HS3ST4: variants seen among roughly 807,000 people sequenced by gnomAD.
HS3ST4 encodes heparan sulfate glucosamine 3-O-sulfotransferase 4.
A neutral mutation model predicts 29.2 loss-of-function variants in HS3ST4; 17 were observed. That is an observed-to-expected ratio of 0.58 (90% confidence interval 0.40 to 0.87). The LOEUF (loss-of-function observed/expected upper bound fraction) is 0.87, where lower values mean the gene tolerates loss of function less well. Among genes scored for constraint, HS3ST4 ranks in the 40% least tolerant of loss-of-function variants. The probability of loss-of-function intolerance (pLI) is 0.00; values close to 1 mark genes in which losing one functional copy is unlikely to be tolerated. For missense variants in HS3ST4, 627 were observed against 634.5 expected, an observed-to-expected ratio of 0.99 and a Z score of 0.13; for synonymous variants, 314 against 285.7, an observed-to-expected ratio of 1.10 and a Z score of -1.00.
At chr16:25,911,397 G>A (rs1428003883) in intron 1 of HS3ST4, among the ~76,000 whole-genome samples, 1 of 151,692 alleles carries the variant, frequency 6.6e-6, no homozygotes, top group African/African-American at 2.4e-5. Flanking sequence ...GGCCAAGCCA[G>A]CCTGTCAGGT....
intron 1 of HS3ST4, among the ~76,000 whole-genome samples, chr16:25,829,591 G>A (rs928413003): frequency 6.6e-6 from 1 of 151,788 alleles, no homozygotes; most frequent in African/African-American, 2.4e-5. Context: ...CCTGCAACAG[G>A]CCCCGGTGTG....
intron 1 of HS3ST4, among the ~76,000 whole-genome samples, chr16:25,770,311 G>A (rs998623428): frequency 6.6e-6 from 1 of 152,132 alleles, no homozygotes; most frequent in African/African-American, 2.4e-5. Flanking sequence ...GAGATGATAA[G>A]TAAAATAGCT....
At chr16:26,055,491 G>A (rs1176824425) in intron 1 of HS3ST4, among the ~76,000 whole-genome samples, 2 of 152,136 alleles carry the variant, frequency 1.3e-5, no homozygotes, top group East Asian at 3.9e-4. Flanking sequence ...TGGGCACAGA[G>A]GCTATCAGGG....
At chr16:26,044,116 T>C (rs1246821439) in intron 1 of HS3ST4, among the ~76,000 whole-genome samples, 1 of 152,260 alleles carries the variant, frequency 6.6e-6, no homozygotes, top group Non-Finnish European at 1.5e-5. Flanking sequence ...CAGAATTTTC[T>C]GCTTTGTTTT....
intron 1 of HS3ST4, among the ~76,000 whole-genome samples, chr16:26,058,755 G>C (rs890697505): frequency 4.6e-5 from 7 of 152,184 alleles, no homozygotes; most frequent in Non-Finnish European, 1.0e-4. Flanking sequence ...GGCTTTGGAA[G>C]CGTCGTCAGA....
intron 1 of HS3ST4, among the ~76,000 whole-genome samples, chr16:26,067,948 TCCC>T (rs1383534565): frequency 6.6e-6 from 1 of 152,240 alleles, no homozygotes; most frequent in Non-Finnish European, 1.5e-5. Context: ...TGTGAGGCCG[TCCC>T]AGCCGTGTGG....
At chr16:25,782,674 A>G (rs1284651146) in intron 1 of HS3ST4, among the ~76,000 whole-genome samples, 2 of 152,236 alleles carry the variant, frequency 1.3e-5, no homozygotes, top group Non-Finnish European at 2.9e-5. Context: ...AGCTGCTTGG[A>G]TAGCCCATTT....
At chr16:26,130,716 T>C (rs1456238800) in intron 1 of HS3ST4, among the ~76,000 whole-genome samples, 1 of 152,162 alleles carries the variant, frequency 6.6e-6, no homozygotes, top group Non-Finnish European at 1.5e-5. Context: ...CACCTTTCAG[T>C]TTTGAGAGAA....
chr16:25,948,708 G>GT (rs1293983203), intron 1 of HS3ST4, among the ~76,000 whole-genome samples: 2 of 152,082 alleles, frequency 1.3e-5, no homozygotes, highest in Non-Finnish European at 2.9e-5. Context: ...CTATCACCTA[G>GT]TTTCTTTTCT....
chr16:25,855,962 T>C (rs1567256443), intron 1 of HS3ST4, among the ~76,000 whole-genome samples: 1 of 151,928 alleles, frequency 6.6e-6, no homozygotes, highest in Non-Finnish European at 1.5e-5. Flanking sequence ...TGGATAAGGC[T>C]CTGGTAAAGT....
intron 1 of HS3ST4, among the ~76,000 whole-genome samples, chr16:25,696,405 C>G (rs1194168356): frequency 1.3e-5 from 2 of 152,142 alleles, no homozygotes; most frequent in Non-Finnish European, 2.9e-5. Flanking sequence ...TGTTTGCTCT[C>G]TCATGGTTTG....
intron 1 of HS3ST4, among the ~76,000 whole-genome samples, chr16:25,740,453 C>A (rs1226599910): frequency 6.6e-6 from 1 of 152,008 alleles, no homozygotes; most frequent in African/African-American, 2.4e-5. Flanking sequence ...TGCACTGAGC[C>A]CCAAAGATCC....
At chr16:25,919,656 T>C (rs1968327769) in intron 1 of HS3ST4, among the ~76,000 whole-genome samples, 1 of 152,116 alleles carries the variant, frequency 6.6e-6, no homozygotes, top group South Asian at 2.1e-4. Context: ...AAGACCCAGA[T>C]TGGAGACTGA....
chr16:25,975,146 T>C (rs1294347781), intron 1 of HS3ST4, among the ~76,000 whole-genome samples: 5 of 152,138 alleles, frequency 3.3e-5, no homozygotes, highest in Non-Finnish European at 7.3e-5. Flanking sequence ...TGCAGTGATA[T>C]GGATGCAGCT....
intron 1 of HS3ST4, among the ~76,000 whole-genome samples, chr16:25,755,350 T>G (rs150631064): frequency 2.0e-3 from 306 of 152,292 alleles, no homozygotes; most frequent in African/African-American, 7.1e-3. Flanking sequence ...AACAATAAAC[T>G]GTGGAGGTGA....
chr16:26,080,896 T>C (rs1898715847), intron 1 of HS3ST4, among the ~76,000 whole-genome samples: 1 of 152,190 alleles, frequency 6.6e-6, no homozygotes, highest in Non-Finnish European at 1.5e-5. Flanking sequence ...CAACAGCATC[T>C]GCAACATCTT....
chr16:25,693,194 A>G, intron 1 of HS3ST4, 43 bp downstream of exon 1: 1 of 1,501,702 alleles, frequency 6.7e-7, no homozygotes. Context: ...CGCGTGGGGG[A>G]GACGCGGAGG....
At chr16:26,041,675 A>G (rs1969637215) in intron 1 of HS3ST4, among the ~76,000 whole-genome samples, 2 of 150,956 alleles carry the variant, frequency 1.3e-5, no homozygotes, top group Non-Finnish European at 3.0e-5. Flanking sequence ...CGAGACATAG[A>G]AAAAAAAATG....
At chr16:25,836,300 G>A (rs1481641267) in intron 1 of HS3ST4, among the ~76,000 whole-genome samples, 2 of 152,190 alleles carry the variant, frequency 1.3e-5, no homozygotes, top group African/African-American at 2.4e-5. Context: ...TGGGGGCCAG[G>A]CAGTCTGTGT....
Sources: gnomAD v4.1 joint callset for allele counts (sites outside exome capture counted in the v4.1 genomes callset) on GRCh38, gnomAD v4.1.1 for gene constraint, MANE v1.5 for transcripts, NCBI Gene and HGNC (gene_info 2026-07-23, HGNC 2026-07-21) for gene names.